Variants in KCNN2 observed in about 807,000 individuals in gnomAD.
KCNN2 encodes the protein small conductance calcium-activated potassium channel protein 2.
A neutral mutation model predicts 55.5 loss-of-function variants in KCNN2; 24 were observed. That is an observed-to-expected ratio of 0.43 (90% CI 0.31 to 0.61). The LOEUF is 0.61. KCNN2 is among the 20% of genes least tolerant of loss of function. The probability of loss-of-function intolerance (pLI) is 0.08; values close to 1 mark genes in which losing one functional copy is unlikely to be tolerated. For missense variants in KCNN2, 754 were observed against 853.6 expected, an observed-to-expected ratio of 0.88 and a Z score of 1.45; for synonymous variants, 431 against 336.1, an observed-to-expected ratio of 1.28 and a Z score of -3.09.
chr5:114,273,481 A>G (rs1256895832), intron 2 of KCNN2, among the ~76,000 whole-genome samples: 1 of 151,608 alleles, frequency 6.6e-6, no homozygotes, highest in African/African-American at 2.4e-5. Flanking sequence ...CACTCCTACC[A>G]CGTTCCTATT....
chr5:114,201,236 A>G (rs982135221), intron 1 of KCNN2, among the ~76,000 whole-genome samples: 2 of 152,076 alleles, frequency 1.3e-5, no homozygotes, highest in Admixed American at 1.3e-4. Context: ...AAGTGTGCTT[A>G]GGAGGGCTTG....
intron 1 of KCNN2, among the ~76,000 whole-genome samples, chr5:114,101,548 T>G (rs1466349251): frequency 6.6e-6 from 1 of 152,004 alleles, no homozygotes; most frequent in Admixed American, 6.6e-5. Context: ...ACCTGTCGTC[T>G]GCAATTAGGT....
intron 2 of KCNN2, among the ~76,000 whole-genome samples, chr5:114,369,686 A>G (rs189958475): frequency 2.0e-5 from 3 of 152,278 alleles, no homozygotes; most frequent in East Asian, 1.9e-4. Flanking sequence ...TATACACTGT[A>G]GTAACGAAAT....
At chr5:114,269,907 G>T (rs1242910062) in intron 2 of KCNN2, among the ~76,000 whole-genome samples, 1 of 152,092 alleles carries the variant, frequency 6.6e-6, no homozygotes, top group South Asian at 2.1e-4. Context: ...TGAAATGGAG[G>T]GTCACCACTA....
At chr5:114,244,457 C>A (rs746165507) in intron 2 of KCNN2, among the ~76,000 whole-genome samples, 1 of 151,924 alleles carries the variant, frequency 6.6e-6, no homozygotes, top group Non-Finnish European at 1.5e-5. Context: ...AATAGCCGGG[C>A]GTGGTGGCGG....
intron 2 of KCNN2, among the ~76,000 whole-genome samples, chr5:114,392,182 A>G (rs1261908998): frequency 1.3e-5 from 2 of 152,208 alleles, no homozygotes; most frequent in Non-Finnish European, 2.9e-5. Flanking sequence ...AGTGTTGCCT[A>G]CAACATATGA....
At chr5:114,220,040 T>G (rs996813005) in intron 1 of KCNN2, among the ~76,000 whole-genome samples, 3 of 152,114 alleles carry the variant, frequency 2.0e-5, no homozygotes, top group Non-Finnish European at 4.4e-5. Context: ...TTTACAGACC[T>G]TAAGAAAAAA....
chr5:114,328,812 C>G (rs1434949333), intron 2 of KCNN2, among the ~76,000 whole-genome samples: 1 of 152,208 alleles, frequency 6.6e-6, no homozygotes, highest in Non-Finnish European at 1.5e-5. Flanking sequence ...AACCAGGGGT[C>G]ACTTTCAGAT....
intron 2 of KCNN2, among the ~76,000 whole-genome samples, chr5:114,364,874 A>G (rs1006545794): frequency 1.3e-5 from 2 of 151,456 alleles, no homozygotes; most frequent in African/African-American, 4.8e-5. Flanking sequence ...GTGCATGAGA[A>G]TTTGCACTAT....
intron 1 of KCNN2, among the ~76,000 whole-genome samples, chr5:114,125,565 G>T (rs938227118): frequency 6.6e-6 from 1 of 152,114 alleles, no homozygotes; most frequent in Non-Finnish European, 1.5e-5. Context: ...AGTTCTAGAG[G>T]CTGGAAGTCC....
chr5:114,279,311 T>C (rs1755567453), intron 2 of KCNN2, among the ~76,000 whole-genome samples: 1 of 152,134 alleles, frequency 6.6e-6, no homozygotes, highest in South Asian at 2.1e-4. Context: ...TTTCTTTTTT[T>C]TTTATTATAC....
At chr5:114,140,790 A>ATTC (rs1198956288) in intron 1 of KCNN2, among the ~76,000 whole-genome samples, 29 of 147,588 alleles carry the variant, frequency 2.0e-4, no homozygotes, top group Non-Finnish European at 2.4e-4. Flanking sequence ...TATTATTATT[A>ATTC]TTATTATTAT....
chr5:114,095,716 C>G (rs764215505), intron 1 of KCNN2, among the ~76,000 whole-genome samples: 6 of 152,128 alleles, frequency 3.9e-5, no homozygotes, highest in Non-Finnish European at 8.8e-5. Context: ...CTTGGCCTAC[C>G]TAACTCCTTT....
intron 3 of KCNN2, among the ~76,000 whole-genome samples, chr5:114,446,525 T>G (rs1196436836): frequency 6.6e-6 from 1 of 151,488 alleles, no homozygotes; most frequent in Non-Finnish European, 1.5e-5. Flanking sequence ...CGGTGTGATC[T>G]CAGCTCCCTG....
At chr5:114,105,917 ATAT>A (rs1460467177) in intron 1 of KCNN2, among the ~76,000 whole-genome samples, 2 of 152,034 alleles carry the variant, frequency 1.3e-5, no homozygotes, top group East Asian at 3.9e-4. Flanking sequence ...GAGATATTTC[ATAT>A]TATTTCTATA....
At chr5:114,368,931 G>A (rs778903512) in intron 2 of KCNN2, among the ~76,000 whole-genome samples, 7 of 151,854 alleles carry the variant, frequency 4.6e-5, no homozygotes, top group African/African-American at 1.7e-4. Flanking sequence ...TACTTCACCA[G>A]CCCTGATCTG....
At chr5:114,368,524 G>C (rs2150049259) in intron 2 of KCNN2, among the ~76,000 whole-genome samples, 1 of 152,282 alleles carries the variant, frequency 6.6e-6, no homozygotes, top group South Asian at 2.1e-4. Flanking sequence ...TCTGTGGTTT[G>C]CTATGTGAAG....
At chr5:114,076,452 C>T (rs1031928676) in intron 1 of KCNN2, among the ~76,000 whole-genome samples, 4 of 152,080 alleles carry the variant, frequency 2.6e-5, no homozygotes, top group African/African-American at 9.7e-5. Flanking sequence ...GATTTGAGAG[C>T]CAGAGGGGCC....
At chr5:114,096,270 C>T (rs1028298899) in intron 1 of KCNN2, among the ~76,000 whole-genome samples, 1 of 152,106 alleles carries the variant, frequency 6.6e-6, no homozygotes, top group Non-Finnish European at 1.5e-5. Context: ...CTGCTTAACA[C>T]ATAATATCAA....
Sources: gnomAD v4.1 joint callset for allele counts (sites outside exome capture counted in the v4.1 genomes callset) on GRCh38, gnomAD v4.1.1 for gene constraint, MANE v1.5 for transcripts, NCBI Gene and HGNC (gene_info 2026-07-23, HGNC 2026-07-21) for gene names.